GSG1L: variants seen among roughly 807,000 people sequenced by gnomAD.
GSG1L encodes the protein germ cell-specific gene 1-like protein.
GSG1L carries 24 observed loss-of-function variants against 42.1 expected under a neutral mutation model. That is an observed-to-expected ratio of 0.57 (90% confidence interval 0.41 to 0.80). The LOEUF (loss-of-function observed/expected upper bound fraction) is 0.80, where lower values mean the gene tolerates loss of function less well. GSG1L is among the 30% of genes least tolerant of loss of function. The pLI is 0.00. For missense variants in GSG1L, 445 were observed against 472.2 expected, an observed-to-expected ratio of 0.94 and a Z score of 0.53; for synonymous variants, 215 against 203.5, an observed-to-expected ratio of 1.06 and a Z score of -0.48.
rs552329917 is a variant in GSG1L, at chr16:28,012,158, G to A, written c.350-48955C>T. ...GCTACAGCTGCTCCAAATGCCCCAC[G>A]GTTTCTGAGCCCCCAAGGTCACTGC... is the stretch of plus-strand genomic sequence containing the variant. On this transcript the variant is annotated intron_variant, in intron 1 of 6. Transcript: ENST00000447459. 2.0e-5 allele frequency among the ~76,000 whole-genome samples: 3 copies of A among 152,196 alleles called. No individual in the cohort carries two copies. In the South Asian group the frequency reaches 6.2e-4, roughly 32 times the overall value.
At chr16:27,822,626 C>T (rs758784168) in intron 5 of GSG1L, among the ~76,000 whole-genome samples, 3 of 152,006 alleles carry the variant, frequency 2.0e-5, no homozygotes, top group Non-Finnish European at 4.4e-5. Flanking sequence ...GCTATGTTGC[C>T]CAGGCTAGTC....
chr16:27,875,755 G>C (rs115516245), intron 3 of GSG1L, among the ~76,000 whole-genome samples: 1 of 152,204 alleles, frequency 6.6e-6, no homozygotes, highest in Non-Finnish European at 1.5e-5. Flanking sequence ...TGACTTAGTT[G>C]GTCCAATTAT....
At chr16:28,023,360 C>T (rs187082028) in intron 1 of GSG1L, among the ~76,000 whole-genome samples, 297 of 152,286 alleles carry the variant, frequency 2.0e-3, no homozygotes, top group Admixed American at 8.6e-3. Context: ...TTCATTTAGC[C>T]GTCCCCCTAT....
intron 2 of GSG1L, among the ~76,000 whole-genome samples, chr16:27,913,481 A>C (rs1221550322): frequency 1.3e-5 from 2 of 152,198 alleles, no homozygotes; most frequent in African/African-American, 4.8e-5. Context: ...ATTTACTCCA[A>C]TATTTCATAA....
At chr16:27,963,421 C>T (rs1400722679) in intron 1 of GSG1L, among the ~76,000 whole-genome samples, 1 of 152,068 alleles carries the variant, frequency 6.6e-6, no homozygotes, top group Non-Finnish European at 1.5e-5. Flanking sequence ...CATCCTGGCC[C>T]ATCGCTTCCA....
intron 2 of GSG1L, among the ~76,000 whole-genome samples, chr16:27,933,031 G>C (rs2084674169): frequency 6.6e-6 from 1 of 152,034 alleles, no homozygotes; most frequent in African/African-American, 2.4e-5. Context: ...CCTTACTGCA[G>C]GAATAGCTGA....
At chr16:27,934,687 C>T (rs1292252937) in intron 2 of GSG1L, among the ~76,000 whole-genome samples, 1 of 152,144 alleles carries the variant, frequency 6.6e-6, no homozygotes, top group Non-Finnish European at 1.5e-5. Flanking sequence ...GTGCAGCGGC[C>T]CTGGGTTCAA....
intron 2 of GSG1L, among the ~76,000 whole-genome samples, chr16:27,901,612 A>T (rs1173629212): frequency 6.6e-6 from 1 of 152,246 alleles, no homozygotes; most frequent in Admixed American, 6.5e-5. Flanking sequence ...TGATGCTGCA[A>T]GTTTGGGAAG....
chr16:28,062,469 G>T (rs1314476532), intron 1 of GSG1L, among the ~76,000 whole-genome samples: 1 of 152,230 alleles, frequency 6.6e-6, no homozygotes, highest in Admixed American at 6.5e-5. Context: ...AGGGCTCCCT[G>T]GCGTCTGGCA....
At chr16:27,855,457 A>G (rs1222693659) in intron 3 of GSG1L, among the ~76,000 whole-genome samples, 2 of 152,082 alleles carry the variant, frequency 1.3e-5, no homozygotes, top group Non-Finnish European at 2.9e-5. Flanking sequence ...CAGTGTTACA[A>G]GCCTGTAATC....
At chr16:27,893,458 C>T (rs926028782) in intron 2 of GSG1L, among the ~76,000 whole-genome samples, 21 of 152,074 alleles carry the variant, frequency 1.4e-4, no homozygotes, top group Admixed American at 7.2e-4. Context: ...ACTTGTTGCA[C>T]GCAGTAAATG....
At chr16:27,838,103 A>C (rs1229398562) in intron 4 of GSG1L, among the ~76,000 whole-genome samples, 1 of 152,122 alleles carries the variant, frequency 6.6e-6, no homozygotes, top group Non-Finnish European at 1.5e-5. Flanking sequence ...TTTGTTTTTT[A>C]AGATTATCTC....
At chr16:27,994,626 C>T (rs2085493757) in intron 1 of GSG1L, among the ~76,000 whole-genome samples, 1 of 152,120 alleles carries the variant, frequency 6.6e-6, no homozygotes, top group African/African-American at 2.4e-5. Context: ...GCTTTCCGCT[C>T]CCAATTTTGA....
chr16:28,040,730 G>C lies in GSG1L; in HGVS notation c.349+22346C>G, dbSNP rs2086096145. Among the ~76,000 whole-genome samples the C allele has an allele frequency of 1.3e-5, 2 of 152,210 alleles. No individual in the cohort carries two copies. Among genetic ancestry groups the C allele is most frequent in the African/African-American group, 4.8e-5 (2 of 41,466 alleles). On this transcript the variant is annotated intron_variant, in intron 1 of 6. Transcript: ENST00000447459. The surrounding 1 kb of genome is among the most constrained non-coding windows in gnomAD (Gnocchi z 4.1). ...CCCCTCTGGGCTTGCAGGCAGGTGG[G>C]GGAACTTGCAGGTGGCTCTGGAGCC...
intron 1 of GSG1L, among the ~76,000 whole-genome samples, chr16:27,980,907 A>AG: frequency 6.6e-6 from 1 of 151,462 alleles, no homozygotes; most frequent in Admixed American, 6.6e-5. Context: ...AAAACAAAAA[A>AG]AAAAAAAAAA....
At chr16:28,060,087 A>G (rs28371389) in intron 1 of GSG1L, among the ~76,000 whole-genome samples, 42,518 of 151,444 alleles carry the variant, frequency 0.28, 6,200 homozygotes, top group East Asian at 0.37. Flanking sequence ...TCGCATTTGG[A>G]TGCACGTGAA....
intron 3 of GSG1L, among the ~76,000 whole-genome samples, chr16:27,869,628 G>A (rs544739991): frequency 1.4e-4 from 13 of 91,554 alleles, no homozygotes; most frequent in South Asian, 4.0e-4. Flanking sequence ...TCCTCTCTGC[G>A]TCTCCATCTC....
chr16:27,938,631 C>T (rs1207390773), intron 2 of GSG1L, among the ~76,000 whole-genome samples: 1 of 152,130 alleles, frequency 6.6e-6, no homozygotes, highest in Non-Finnish European at 1.5e-5. Flanking sequence ...GGGCAAGTGC[C>T]CACCGCGAGG....
intron 3 of GSG1L, among the ~76,000 whole-genome samples, chr16:27,858,055 G>C (rs1198598857): frequency 1.3e-5 from 2 of 152,086 alleles, no homozygotes; most frequent in African/African-American, 2.4e-5. Flanking sequence ...CCATCCCTCT[G>C]GTCTCATTCG....
Sources: allele counts gnomAD v4.1 joint callset (sites outside exome capture counted in the v4.1 genomes callset), GRCh38; gene constraint gnomAD v4.1.1; non-coding constraint Gnocchi (gnomAD v3.1); transcripts MANE v1.5; gene names NCBI Gene and HGNC (gene_info 2026-07-23, HGNC 2026-07-21).